Variants in FAT4 observed in about 807,000 individuals in gnomAD.
The protein encoded by FAT4 is FAT atypical cadherin 4.
Under a neutral mutation model 303.9 loss-of-function variants are expected in FAT4, and 84 were observed. The observed-to-expected ratio is 0.28, with a 90% CI of 0.23 to 0.33. The LOEUF (loss-of-function observed/expected upper bound fraction) is 0.33, where lower values mean the gene tolerates loss of function less well. Among genes scored for constraint, FAT4 ranks in the 10% least tolerant of loss-of-function variants. The pLI, the probability that FAT4 is intolerant of heterozygous loss-of-function variation, is 1.00. For missense variants in FAT4, 6,005 were observed against 6,146.8 expected (o/e 0.98, Z 0.77); for synonymous variants, 2,307 against 2,298.8 (o/e 1.00, Z -0.10).
At chr4:125,413,105 C>A (rs2126025155) in intron 5 of FAT4, among the ~76,000 whole-genome samples, 1 of 151,748 alleles carries the variant, frequency 6.6e-6, no homozygotes, top group Admixed American at 6.6e-5. Flanking sequence ...TATATATACA[C>A]ACACAATATA....
At chr4:125,402,260 GT>G (rs1363649146) in intron 3 of FAT4, among the ~76,000 whole-genome samples, 1 of 151,770 alleles carries the variant, frequency 6.6e-6, no homozygotes, top group South Asian at 2.1e-4. Flanking sequence ...CATTAAATAG[GT>G]TTTTGTTTCT....
chr4:125,326,097 A>G (rs1041106015), intron 2 of FAT4, among the ~76,000 whole-genome samples: 4 of 152,084 alleles, frequency 2.6e-5, no homozygotes, highest in African/African-American at 9.7e-5. Context: ...TCGAAATAAT[A>G]TATTAAAAGT....
chr4:125,482,564 A>T (rs1727266201), intron 16 of FAT4, among the ~76,000 whole-genome samples: 1 of 152,080 alleles, frequency 6.6e-6, no homozygotes, highest in Non-Finnish European at 1.5e-5. Flanking sequence ...CATTAATATT[A>T]CTTTGTATCA....
At chr4:125,481,497 T>TC (rs1413259595) in intron 15 of FAT4, 24 bp from the exon 16 acceptor site, 7 of 1,607,444 alleles carry the variant, frequency 4.4e-6, no homozygotes, top group Non-Finnish European at 6.0e-6. Flanking sequence ...GCATTCATTT[T>TC]CCCTTTTTTC....
chr4:125,345,564 A>T (rs990760099), intron 2 of FAT4, among the ~76,000 whole-genome samples: 5 of 151,958 alleles, frequency 3.3e-5, no homozygotes, highest in African/African-American at 1.2e-4. Context: ...AATATTAATG[A>T]TTACTTTTAG....
chr4:125,410,905 CA>C (rs1419569546), intron 5 of FAT4, among the ~76,000 whole-genome samples: 5 of 152,000 alleles, frequency 3.3e-5, no homozygotes, highest in African/African-American at 7.2e-5. Flanking sequence ...ATACGTTTAT[CA>C]GTGTAATTTC....
At chr4:125,421,226 A>G (rs1724873028) in intron 7 of FAT4, among the ~76,000 whole-genome samples, 1 of 152,140 alleles carries the variant, frequency 6.6e-6, no homozygotes, top group Non-Finnish European at 1.5e-5. Context: ...GAATAGTTTC[A>G]CCATTCGACA....
intron 2 of FAT4, among the ~76,000 whole-genome samples, chr4:125,396,835 T>C (rs1266593700): frequency 6.6e-6 from 1 of 151,674 alleles, no homozygotes; most frequent in Non-Finnish European, 1.5e-5. Flanking sequence ...GGACTATGCA[T>C]ATATATGCAA....
chr4:125,321,711 TA>T, intron 2 of FAT4, 125 bp downstream of exon 2: 1 of 990,388 alleles, frequency 1.0e-6, no homozygotes, highest in Non-Finnish European at 1.4e-6. Flanking sequence ...CAGGAACACC[TA>T]AAAATGTTCT....
intron 3 of FAT4, among the ~76,000 whole-genome samples, chr4:125,404,376 T>C (rs189137523): frequency 9.8e-5 from 15 of 152,286 alleles, no homozygotes; most frequent in Admixed American, 4.6e-4. Context: ...GGCTGTAGAA[T>C]TGAGGCAAAG....
At chr4:125,406,052 T>C (rs1734593036) in intron 3 of FAT4, among the ~76,000 whole-genome samples, 1 of 152,192 alleles carries the variant, frequency 6.6e-6, no homozygotes, top group African/African-American at 2.4e-5. Context: ...CTGCTTTTGC[T>C]TATGTTGCTT....
At chr4:125,424,705 G>C (rs774574135) in intron 7 of FAT4, among the ~76,000 whole-genome samples, 1 of 152,126 alleles carries the variant, frequency 6.6e-6, no homozygotes, top group African/African-American at 2.4e-5. Context: ...TCTTTATACA[G>C]CTTAAATTAC....
At chr4:125,461,171 A>T (rs931529837) in intron 10 of FAT4, among the ~76,000 whole-genome samples, 1 of 152,020 alleles carries the variant, frequency 6.6e-6, no homozygotes, top group Non-Finnish European at 1.5e-5. Flanking sequence ...AATAGCCTGT[A>T]TTTTATATTT....
At chr4:125,356,380 A>G (rs539918111) in intron 2 of FAT4, among the ~76,000 whole-genome samples, 8 of 152,138 alleles carry the variant, frequency 5.3e-5, no homozygotes, top group African/African-American at 1.7e-4. Context: ...TATTTATTTT[A>G]TGCAGATATA....
In FAT4 at chr4:125,462,946, A is replaced by G. The variant is rs147947405; in HGVS notation, c.11801-617A>G. Reference sequence around the variant, plus strand: ...GATCATGTATGAGAAAAGTCTTTATAAACTGAAAAATATGCTGTTTAGGTA... The same window carrying G: ...GATCATGTATGAGAAAAGTCTTTATGAACTGAAAAATATGCTGTTTAGGTA... On this transcript the variant is annotated intron_variant, in intron 10 of 17. Transcript: ENST00000394329. Among the ~76,000 whole-genome samples the G allele has an allele frequency of 3.5e-3, 526 of 152,142 alleles. 3 individuals carry two copies. The highest frequency in any genetic ancestry group is 0.012 in the African/African-American group (503 of 41,564).
chr4:125,319,339 C>T lies in FAT4; in HGVS notation c.2928C>T (p.Leu976=). Residue 976 remains leucine, a synonymous_variant, in exon 2 of 18, where the codon CTC becomes CTT. Coordinates refer to ENST00000394329, the MANE Select transcript of FAT4 (RefSeq NM_001291303.3). The stretch of plus-strand genomic sequence containing the variant: ...CATCTGACATGGGTGTCCCACAGCT[C>T]TCCTCTAGTGTCATCTTAACAGTTT... ...ILASDMGVPQ[L]SSSVILTVYV... is the part of the protein sequence containing the mutation. 1 of 1,613,640 alleles carries T rather than the reference C, an allele frequency of 6.2e-7. No individual in the cohort carries two copies. The highest frequency in any genetic ancestry group is 8.5e-7 in the Non-Finnish European group (1 of 1,179,694).
intron 3 of FAT4, among the ~76,000 whole-genome samples, chr4:125,404,319 A>G (rs760781831): frequency 1.3e-5 from 2 of 152,124 alleles, no homozygotes; most frequent in Non-Finnish European, 2.9e-5. Context: ...TGCAATATCA[A>G]TATCCTTAAA....
intron 2 of FAT4, among the ~76,000 whole-genome samples, chr4:125,340,552 A>C (rs763029539): frequency 7.9e-5 from 12 of 152,058 alleles, no homozygotes; most frequent in Non-Finnish European, 1.5e-4. Flanking sequence ...ACGCCCGGCT[A>C]ATTTTTTGTG....
Position 125,316,623 on chromosome 4 carries a change from C to A in FAT4, c.212C>A (p.Thr71Asn). Residue 71 changes from threonine to asparagine, a missense_variant, in exon 2 of 18, where the codon ACC becomes AAC. Physicochemically the swap from Thr to Asn is moderately conservative, Grantham distance 65. Coordinates refer to ENST00000394329, the MANE Select transcript of FAT4 (RefSeq NM_001291303.3). The surrounding 1 kb of genome is among the most constrained non-coding windows in gnomAD (Gnocchi z 5.7). ...ACCATCCAGACGCGCCCCGGCTTCA[C>A]CTACAGGCTCAGCGAAAGCCACGCC... ...VGTIQTRPGF[T>N]YRLSESHALF... is the part of the protein sequence containing the mutation. The A allele has an allele frequency of 6.2e-7, 1 of 1,613,958 alleles. No individual in the cohort carries two copies. Among genetic ancestry groups the A allele is most frequent in the Non-Finnish European group, 8.5e-7 (1 of 1,180,040 alleles).
Sources: gnomAD v4.1 joint callset for allele counts (sites outside exome capture counted in the v4.1 genomes callset) on GRCh38, gnomAD v4.1.1 for gene constraint, Gnocchi (gnomAD v3.1) non-coding constraint, MANE v1.5 for transcripts, NCBI Gene and HGNC (gene_info 2026-07-23, HGNC 2026-07-21) for gene names.